ANK2: variants seen among roughly 807,000 people sequenced by gnomAD.
ANK2 encodes ankyrin 2.
ANK2 carries 83 observed loss-of-function variants against 360.5 expected under a neutral mutation model. The ratio of observed to expected loss-of-function variants is 0.23; its 90% confidence interval spans 0.19 to 0.28. The LOEUF (loss-of-function observed/expected upper bound fraction) is 0.28, where lower values mean the gene tolerates loss of function less well. Among genes scored for constraint, ANK2 ranks in the 10% least tolerant of loss-of-function variants. The probability of loss-of-function intolerance (pLI) is 1.00; values close to 1 mark genes in which losing one functional copy is unlikely to be tolerated. For missense variants in ANK2, 4,201 were observed against 4,795.7 expected, an observed-to-expected ratio of 0.88 and a Z score of 3.66; for synonymous variants, 1,740 against 1,759.5, an observed-to-expected ratio of 0.99 and a Z score of 0.28.
chr4:113,375,151 CT>C (rs1462539953), intron 45 of ANK2, among the ~76,000 whole-genome samples: 1 of 152,176 alleles, frequency 6.6e-6, no homozygotes, highest in Non-Finnish European at 1.5e-5. Context: ...ACCTTAACAG[CT>C]TTTAAAAATC....
At chr4:113,048,660 T>C (rs958950847), upstream of ANK2, among the ~76,000 whole-genome samples, 19 of 152,020 alleles carry the variant, frequency 1.2e-4, no homozygotes, top group Non-Finnish European at 2.5e-4. Context: ...AAGCCCCATT[T>C]TTTTAAAATC....
intron 2 of ANK2, among the ~76,000 whole-genome samples, chr4:112,958,874 G>T (rs1581954818): frequency 1.1e-5 from 1 of 92,362 alleles, no homozygotes; most frequent in Admixed American, 1.1e-4. Flanking sequence ...TGGTGATGAA[G>T]CCTTGCTCTT....
intron 5 of ANK2, 75 bp downstream of exon 5, chr4:113,232,334 T>C (rs2099318176): frequency 8.9e-7 from 1 of 1,122,040 alleles, no homozygotes; most frequent in South Asian, 1.3e-5. Context: ...CTGCAAATAG[T>C]CTCCATTACT....
At chr4:112,737,384 G>T in the ANK2 span, among the ~76,000 whole-genome samples, 3 of 152,186 alleles carry the variant, frequency 2.0e-5, no homozygotes, top group Non-Finnish European at 4.4e-5. Flanking sequence ...AGAGCACATG[G>T]TTTGTATTTT....
the ANK2 span, among the ~76,000 whole-genome samples, chr4:112,768,281 TCTCA>T: frequency 6.6e-6 from 1 of 152,122 alleles, no homozygotes; most frequent in African/African-American, 2.4e-5. Flanking sequence ...TGAGATAAGG[TCTCA>T]CTCTGTCACC....
chr4:113,212,475 G>A (rs1297843917), intron 4 of ANK2, among the ~76,000 whole-genome samples: 2 of 152,150 alleles, frequency 1.3e-5, no homozygotes, highest in Non-Finnish European at 2.9e-5. Context: ...TTAAAGCTAT[G>A]AAGAAGAAGT....
At chr4:112,763,817 A>C in the ANK2 span, among the ~76,000 whole-genome samples, 2 of 151,524 alleles carry the variant, frequency 1.3e-5, no homozygotes, top group African/African-American at 2.4e-5. Flanking sequence ...ACCGTGCCCG[A>C]CCATATGTAG....
chr4:113,150,414 C>T (rs2097021156), intron 1 of ANK2, among the ~76,000 whole-genome samples: 1 of 152,140 alleles, frequency 6.6e-6, no homozygotes, highest in Admixed American at 6.6e-5. Context: ...TTTTTAATAT[C>T]CATCCTGCCA....
chr4:113,077,572 T>C (rs1057469611), intron 1 of ANK2, among the ~76,000 whole-genome samples: 2 of 152,226 alleles, frequency 1.3e-5, no homozygotes, highest in Admixed American at 1.3e-4. Flanking sequence ...CCCAGTCCTA[T>C]TAACCAGTAA....
chr4:113,216,557 G>A (rs1015663468), intron 4 of ANK2, among the ~76,000 whole-genome samples: 2 of 152,182 alleles, frequency 1.3e-5, no homozygotes, highest in African/African-American at 4.8e-5. Flanking sequence ...TCTTTTGAAA[G>A]CACAATAATA....
At chr4:112,997,011 A>G (rs1242761386) in intron 2 of ANK2, among the ~76,000 whole-genome samples, 1 of 152,104 alleles carries the variant, frequency 6.6e-6, no homozygotes, top group Non-Finnish European at 1.5e-5. Flanking sequence ...TGTCTAGTAT[A>G]TCTTCACCAG....
At chr4:112,878,662 C>G (rs2075855069) in intron 1 of ANK2, among the ~76,000 whole-genome samples, 1 of 151,542 alleles carries the variant, frequency 6.6e-6, no homozygotes, top group South Asian at 2.1e-4. Context: ...TAGACGGAGT[C>G]TCGCTCTGTC....
intron 2 of ANK2, among the ~76,000 whole-genome samples, chr4:112,939,396 G>A (rs556772773): frequency 5.3e-5 from 8 of 151,024 alleles, no homozygotes; most frequent in East Asian, 2.0e-4. Context: ...TGCAGCCTCC[G>A]CCTCCCTTGT....
At chr4:113,017,973 T>C (rs4833419) in intron 2 of ANK2, among the ~76,000 whole-genome samples, 87,237 of 152,162 alleles carry the variant, frequency 0.57, 26,506 homozygotes, top group Non-Finnish European at 0.69. Context: ...GAAGAACTCC[T>C]TTTGTGGACT....
intron 4 of ANK2, among the ~76,000 whole-genome samples, chr4:113,208,253 C>T (rs1232948702): frequency 1.3e-5 from 2 of 151,772 alleles, no homozygotes; most frequent in African/African-American, 2.4e-5. Context: ...ATTTGGAGAC[C>T]GTTGTCATGA....
At chr4:113,124,030 C>T (rs1169879718) in intron 1 of ANK2, among the ~76,000 whole-genome samples, 3 of 152,300 alleles carry the variant, frequency 2.0e-5, no homozygotes, top group African/African-American at 4.8e-5. Context: ...TGCAGTTTGA[C>T]TAACTTTGCC....
intron 2 of ANK2, among the ~76,000 whole-genome samples, chr4:113,002,493 A>G (rs1300359685): frequency 6.6e-6 from 1 of 151,262 alleles, no homozygotes; most frequent in Non-Finnish European, 1.5e-5. Flanking sequence ...ATTCTCACTT[A>G]TAGGTGGGAA....
chr4:113,249,668 G>A, intron 9 of ANK2, 96 bp from the exon 10 acceptor site: 1 of 1,108,980 alleles, frequency 9.0e-7, no homozygotes, highest in Non-Finnish European at 1.4e-6. Flanking sequence ...GAGTAATCAG[G>A]ATTGAGTTTA....
chr4:113,333,147 A>G lies in ANK2; in HGVS notation c.3318A>G (p.Lys1106=). 1 of 1,614,230 alleles carries G rather than the reference A, an allele frequency of 6.2e-7. No homozygotes were observed. ...GCAGTGAGAATGGGGACAGCTGGAA[A>G]GAGCATTTCTGTGACTACACTGAAG... ...VLRSENGDSW[K]EHFCDYTEDE... Residue 1106 remains lysine (K), a synonymous_variant, in exon 29 of 46, where the codon AAA becomes AAG. Transcript: ENST00000357077.
Sources: gnomAD v4.1 joint callset for allele counts (sites outside exome capture counted in the v4.1 genomes callset) on GRCh38, gnomAD v4.1.1 for gene constraint, MANE v1.5 for transcripts, NCBI Gene and HGNC (gene_info 2026-07-23, HGNC 2026-07-21) for gene names.